The following CLASP1 variants were observed in gnomAD, a reference collection of about 807,000 sequenced individuals.
CLASP1 encodes the protein cytoplasmic linker associated protein 1, also known as CLIP-associating protein 1.
A neutral mutation model predicts 192.3 loss-of-function variants in CLASP1; 38 were observed. That is an observed-to-expected ratio of 0.20 (90% confidence interval 0.15 to 0.26). The LOEUF (loss-of-function observed/expected upper bound fraction) is 0.26. CLASP1 is among the 10% of genes least tolerant of loss of function. CLASP1 has a pLI of 1.00. For synonymous variants in CLASP1, 691 were observed against 712.8 expected (o/e 0.97, Z 0.49); for missense variants, 1,433 against 1,932.5 (o/e 0.74, Z 4.85).
At chr2:121,622,758 A>C (rs868213615) in intron 1 of CLASP1, among the ~76,000 whole-genome samples, 1 of 152,202 alleles carries the variant, frequency 6.6e-6, no homozygotes, top group East Asian at 1.9e-4. Flanking sequence ...TGAGGAGCTC[A>C]TAACAGTTTT....
chr2:121,412,600 T>TA lies in CLASP1; in HGVS notation c.2321-1632dup, dbSNP rs1044246022. On this transcript the variant is annotated intron_variant, in intron 23 of 39. Transcript: ENST00000263710. ...AAATAAAACGAAGTCTAATAAAATT[T>TA]AAAAAAAAAAATCTCATGCCAGCAA... Among the ~76,000 whole-genome samples the TA allele has an allele frequency of 3.0e-3, 448 of 149,046 alleles. 3 individuals carry two copies. Among genetic ancestry groups the TA allele is most frequent in the Non-Finnish European group, 3.7e-3 (250 of 66,868 alleles).
chr2:121,375,354 GT>G (rs1233376275), intron 34 of CLASP1, among the ~76,000 whole-genome samples: 1 of 144,626 alleles, frequency 6.9e-6, no homozygotes, highest in Admixed American at 6.9e-5. Flanking sequence ...AAATTACCTA[GT>G]TTCTGATTTT....
exon 35 of CLASP1, chr2:121,367,691 C>A (rs184405260): frequency 6.2e-7 from 1 of 1,613,994 alleles, no homozygotes; most frequent in Admixed American, 1.7e-5. Flanking sequence ...TGTAGTCTCG[C>A]GCCCGCGGCC....
At chr2:121,531,056 T>A (rs989645952) in intron 2 of CLASP1, 4 of 696,916 alleles carry the variant, frequency 5.7e-6, no homozygotes, top group Non-Finnish European at 1.0e-5. Flanking sequence ...CAGTAATTCG[T>A]AAATAAACTA....
In CLASP1 at chr2:121,555,988, C is replaced by CTTTTTTTTTTTTTTTTTTTTTTTTTTTT. The variant is rs34423741; in HGVS notation, c.196-25691_196-25664dup. On this transcript the variant is annotated intron_variant, in intron 2 of 39. Transcript: ENST00000263710. Reference sequence around the variant, plus strand: ...CACGGCGCCTGCCCCCTACCCACCGCTTTTTTTTTTTTTTTTTTTTTTTTT... The same window carrying CTTTTTTTTTTTTTTTTTTTTTTTTTTTT: ...CACGGCGCCTGCCCCCTACCCACCGCTTTTTTTTTTTTTTTTTTTTTTTTTTTTTTTTTTTTTTTTTTTTTTTTTTTTT... Among the ~76,000 whole-genome samples the CTTTTTTTTTTTTTTTTTTTTTTTTTTTT allele has an allele frequency of 7.1e-5, 3 of 42,396 alleles. 1 individual carries two copies. The highest frequency in any genetic ancestry group is 3.3e-4 in the African/African-American group (3 of 9,092). The allele number at this position is 42,396 out of a possible 152,430, so 27.8% of individuals were successfully genotyped here. A position where few individuals can be genotyped will look rare whatever the true frequency, so the allele number is the denominator to read the frequency against.
Position 121,518,954 on chromosome 2 carries a change from T to C in CLASP1, c.547-3192A>G, listed in dbSNP as rs750995021. On this transcript the variant is annotated intron_variant, in intron 6 of 39. Coordinates refer to ENST00000263710, the Ensembl canonical transcript of CLASP1. Reference sequence around the variant, plus strand: ...CTATACCTTGAATACTATTAAAGTGTATCACCATTGCTTAGTTTCTAGGGA... The same window carrying C: ...CTATACCTTGAATACTATTAAAGTGCATCACCATTGCTTAGTTTCTAGGGA... Among the ~76,000 whole-genome samples, 22 of 152,364 alleles carry C rather than the reference T, an allele frequency of 1.4e-4. 1 individual carries two copies. Among genetic ancestry groups the C allele is most frequent in the Middle Eastern group, 3.4e-3 (1 of 294 alleles).
rs140272539 is a variant in CLASP1 at position 121,539,504 on chromosome 2, T to C, written c.196-9179A>G. 2.9e-4 allele frequency among the ~76,000 whole-genome samples: 44 copies of C among 152,300 alleles called. 1 individual carries two copies. Among genetic ancestry groups the C allele is most frequent in the African/African-American group, 1.0e-3 (43 of 41,566 alleles). On this transcript the variant is annotated intron_variant, in intron 2 of 39. Transcript: ENST00000263710. ...CTGCACAAAAATGAATTCCTGATAATAGATAAACGTGCAGAAAGCAAAGCA... is the reference window on the plus strand; with the variant it reads ...CTGCACAAAAATGAATTCCTGATAACAGATAAACGTGCAGAAAGCAAAGCA...
Position 121,512,646 on chromosome 2 carries a change from T to C in CLASP1, c.644+3019A>G, listed in dbSNP as rs187692872. On this transcript the variant is annotated intron_variant, in intron 7 of 39. Transcript: ENST00000263710. ...AAGAGAAGACTGAAATAACAACAAA[T>C]GGCCCTAATCCCTAATTCCAGCTCC... Among the ~76,000 whole-genome samples, 13 of 152,318 alleles carry C rather than the reference T, an allele frequency of 8.5e-5. No homozygotes were observed. In the East Asian group the frequency reaches 2.5e-3, roughly 29 times the overall value.
At chr2:121,481,847 G>T (rs540528165) in intron 8 of CLASP1, among the ~76,000 whole-genome samples, 9 of 152,276 alleles carry the variant, frequency 5.9e-5, no homozygotes, top group Admixed American at 2.0e-4. Context: ...GAAGTACTTT[G>T]TTGGGAGCTG....
At chr2:121,513,436 T>A (rs1339112126) in intron 7 of CLASP1, among the ~76,000 whole-genome samples, 4 of 152,084 alleles carry the variant, frequency 2.6e-5, no homozygotes, top group South Asian at 2.1e-4. Flanking sequence ...TATTTTATTT[T>A]TTTTTTTTAA....
chr2:121,647,805 A>G (rs769348594), intron 1 of CLASP1, among the ~76,000 whole-genome samples: 3 of 152,226 alleles, frequency 2.0e-5, no homozygotes, highest in Admixed American at 6.5e-5. Flanking sequence ...CACCACCAAC[A>G]AAGTCTCCTC....
chr2:121,578,415 C>A, intron 2 of CLASP1, among the ~76,000 whole-genome samples: 1 of 89,988 alleles, frequency 1.1e-5, no homozygotes, highest in African/African-American at 4.7e-5. Flanking sequence ...CAGTGAGAGA[C>A]TATCTCCAAA....
intron 2 of CLASP1, among the ~76,000 whole-genome samples, chr2:121,604,571 G>A: frequency 6.6e-6 from 1 of 152,174 alleles, no homozygotes; most frequent in Admixed American, 6.5e-5. Context: ...GAGAGGCTGA[G>A]GTGGGAGGAT....
chr2:121,426,304 A>G (rs563158488), intron 21 of CLASP1, among the ~76,000 whole-genome samples: 1 of 152,254 alleles, frequency 6.6e-6, no homozygotes, highest in Non-Finnish European at 1.5e-5. Flanking sequence ...TTTAATATTT[A>G]TGAAAGAATA....
chr2:121,347,264 G>T, intron 38 of CLASP1, 110 bp from the exon 40 acceptor site: 1 of 734,980 alleles, frequency 1.4e-6, no homozygotes, highest in Non-Finnish European at 2.4e-6. Context: ...CCTTGGACTT[G>T]TCAGTAACAA....
chr2:121,488,742 T>C (rs1405596043), intron 8 of CLASP1, among the ~76,000 whole-genome samples: 1 of 152,224 alleles, frequency 6.6e-6, no homozygotes. Flanking sequence ...CTGCTGCTGT[T>C]ATATTTTGCA....
chr2:121,569,946 C>T (rs921768934), intron 2 of CLASP1, among the ~76,000 whole-genome samples: 1 of 152,190 alleles, frequency 6.6e-6, no homozygotes, highest in Admixed American at 6.5e-5. Flanking sequence ...GTTAAGAGTG[C>T]AGACTCTGGA....
At chr2:121,641,200 G>C (rs191259365) in intron 1 of CLASP1, among the ~76,000 whole-genome samples, 2 of 152,032 alleles carry the variant, frequency 1.3e-5, no homozygotes, top group African/African-American at 4.8e-5. Context: ...TAGCATGTCC[G>C]GGCTACTGTT....
chr2:121,525,894 C>T (rs371181889), exon 6 of CLASP1: 4 of 1,613,356 alleles, frequency 2.5e-6, no homozygotes, highest in African/African-American at 2.7e-5. Context: ...CACAATCTTG[C>T]TTAGTGTTAA....
Sources: gnomAD v4.1 joint callset for allele counts (sites outside exome capture counted in the v4.1 genomes callset) on GRCh38, gnomAD v4.1.1 for gene constraint, MANE v1.5 for transcripts, NCBI Gene and HGNC (gene_info 2026-07-23, HGNC 2026-07-21) for gene names.